The following CCSER1 variants were observed in gnomAD, a reference collection of about 807,000 sequenced individuals.
CCSER1 encodes coiled-coil serine rich protein 1, also known as serine-rich coiled-coil domain-containing protein 1.
In CCSER1, 41 loss-of-function variants were observed where a neutral mutation model predicts 82.0. The observed-to-expected ratio is 0.50, with a 90% CI of 0.39 to 0.65. The LOEUF is 0.65. Ranked by LOEUF, CCSER1 falls within the 30% of genes least tolerant of loss-of-function variation. The pLI, the probability that CCSER1 is intolerant of heterozygous loss-of-function variation, is 0.00. For synonymous variants in CCSER1, 414 were observed against 383.9 expected (o/e 1.08, Z -0.92); for missense variants, 1,119 against 1,064.2 (o/e 1.05, Z -0.72).
intron 5 of CCSER1, among the ~76,000 whole-genome samples, chr4:90,472,491 C>T (rs1379615521): frequency 6.6e-6 from 1 of 152,070 alleles, no homozygotes; most frequent in Non-Finnish European, 1.5e-5. Context: ...TTCAGCATAG[C>T]AGGTGATAGG....
intron 10 of CCSER1, among the ~76,000 whole-genome samples, chr4:91,524,147 G>A (rs1760653603): frequency 1.3e-5 from 2 of 152,142 alleles, no homozygotes; most frequent in Non-Finnish European, 2.9e-5. Flanking sequence ...TTCACCTCAA[G>A]GTCATATGTC....
intron 9 of CCSER1, among the ~76,000 whole-genome samples, chr4:91,082,634 T>A (rs570093767): frequency 6.6e-6 from 1 of 152,182 alleles, no homozygotes; most frequent in African/African-American, 2.4e-5. Flanking sequence ...ACCTACAGAA[T>A]GGGAGAAAAT....
chr4:90,843,106 G>C (rs1047154812), intron 8 of CCSER1, among the ~76,000 whole-genome samples: 1 of 152,044 alleles, frequency 6.6e-6, no homozygotes, highest in African/African-American at 2.4e-5. Flanking sequence ...TTTCACCACG[G>C]ATTATTTGCA....
rs546104149 is a variant in CCSER1 at position 90,768,676 on chromosome 4, T to G, written c.2010+44685T>G. Among the ~76,000 whole-genome samples the G allele has an allele frequency of 9.8e-5, 15 of 152,314 alleles. No individual in the cohort carries two copies. In the East Asian group the frequency reaches 2.5e-3, roughly 25 times the overall value. On this transcript the variant is annotated intron_variant, in intron 7 of 10. Coordinates refer to ENST00000509176, the MANE Select transcript of CCSER1 (RefSeq NM_001145065.2). ...GATTTAAATAAATGGTATTGGAAAC[T>G]GGAGGAAAGATAATCCTTGTTATAT...
chr4:91,349,667 T>C (rs1208606240), intron 10 of CCSER1, among the ~76,000 whole-genome samples: 1 of 151,984 alleles, frequency 6.6e-6, no homozygotes, highest in Non-Finnish European at 1.5e-5. Flanking sequence ...TTCAAAATGG[T>C]TACTTTTTCT....
intron 6 of CCSER1, among the ~76,000 whole-genome samples, chr4:90,682,388 A>G (rs1734049673): frequency 6.6e-6 from 1 of 152,006 alleles, no homozygotes; most frequent in South Asian, 2.1e-4. Flanking sequence ...TACCAGATAT[A>G]GTATATCATG....
chr4:91,466,519 G>T (rs1421807143), intron 10 of CCSER1, among the ~76,000 whole-genome samples: 2 of 152,134 alleles, frequency 1.3e-5, no homozygotes, highest in Non-Finnish European at 2.9e-5. Context: ...TCAGGCAAGA[G>T]AAAGAAATAA....
rs961932670 is a variant in CCSER1 at position 91,598,799 on chromosome 4, A to G, written c.2445A>G (p.Ser815=). The G allele has an allele frequency of 5.2e-6, 8 of 1,551,672 alleles. No individual in the cohort carries two copies. Among genetic ancestry groups the G allele is most frequent in the Non-Finnish European group, 7.0e-6 (8 of 1,146,932 alleles). ...HSRGTYETLT[S]DVTQNLRATV... ...GAGGAACTTATGAAACCCTCACTTC[A>G]GACGTTACACAGAACTTACGGGCCA... is the stretch of plus-strand genomic sequence containing the variant. The change falls in exon 11 of 11, where the codon TCA becomes TCG. Residue 815 remains serine (S), a synonymous_variant. Coordinates refer to ENST00000509176, the MANE Select transcript of CCSER1 (RefSeq NM_001145065.2).
intron 5 of CCSER1, among the ~76,000 whole-genome samples, chr4:90,589,945 A>G (rs1560771070): frequency 6.6e-6 from 1 of 152,176 alleles, no homozygotes; most frequent in African/African-American, 2.4e-5. Context: ...GCCAGATTGT[A>G]TGGTGTCTGT....
At chr4:90,957,204 G>A (rs1733544783) in intron 9 of CCSER1, among the ~76,000 whole-genome samples, 1 of 138,400 alleles carries the variant, frequency 7.2e-6, no homozygotes, top group South Asian at 2.3e-4. Flanking sequence ...CCGGGTTCAA[G>A]CAATTCTCTG....
intron 9 of CCSER1, among the ~76,000 whole-genome samples, chr4:90,986,960 T>C (rs895158485): frequency 6.6e-6 from 1 of 151,574 alleles, no homozygotes; most frequent in Admixed American, 6.6e-5. Context: ...TTTATGGACC[T>C]CGGGTTAGAC....
intron 5 of CCSER1, among the ~76,000 whole-genome samples, chr4:90,509,113 C>T (rs921434037): frequency 1.3e-5 from 2 of 151,926 alleles, no homozygotes; most frequent in African/African-American, 2.4e-5. Flanking sequence ...GGAATTAATA[C>T]GTTTTTGCTA....
At chr4:91,587,093 T>C (rs1360813047) in intron 10 of CCSER1, among the ~76,000 whole-genome samples, 2 of 151,704 alleles carry the variant, frequency 1.3e-5, no homozygotes, top group South Asian at 2.1e-4. Context: ...TCTCTCACAG[T>C]TATTTGTGGG....
At chr4:91,264,484 G>T (rs1365352182) in intron 10 of CCSER1, among the ~76,000 whole-genome samples, 1 of 151,774 alleles carries the variant, frequency 6.6e-6, no homozygotes, top group Non-Finnish European at 1.5e-5. Context: ...TTTTGGAAAA[G>T]AATTATCCAA....
At chr4:91,148,962 T>C (rs1446038384) in intron 10 of CCSER1, among the ~76,000 whole-genome samples, 1 of 152,156 alleles carries the variant, frequency 6.6e-6, no homozygotes, top group African/African-American at 2.4e-5. Flanking sequence ...CATGTGTCTT[T>C]ATAGCAGCAT....
intron 9 of CCSER1, among the ~76,000 whole-genome samples, chr4:91,064,714 G>A (rs1275787795): frequency 6.6e-6 from 1 of 152,158 alleles, no homozygotes; most frequent in African/African-American, 2.4e-5. Flanking sequence ...TATCAGTGTA[G>A]GGAACTTCAA....
At chr4:90,566,764 A>C (rs1434625553) in intron 5 of CCSER1, among the ~76,000 whole-genome samples, 1 of 151,826 alleles carries the variant, frequency 6.6e-6, no homozygotes, top group Non-Finnish European at 1.5e-5. Flanking sequence ...CACCACGCCC[A>C]GCTAATTTTG....
intron 9 of CCSER1, among the ~76,000 whole-genome samples, chr4:91,014,845 A>G (rs1021134624): frequency 2.0e-5 from 3 of 152,340 alleles, no homozygotes; most frequent in East Asian, 1.9e-4. Context: ...TGCCATACAA[A>G]GATGATTAGA....
rs183141240 is a variant in CCSER1 at position 90,258,649 on chromosome 4, T to A, written c.-41-49595T>A. ...TCAAAGATAAACAGTCATAATGATT[T>A]GATTTTCTAGCCATTTTTCAATACA... On this transcript the variant is annotated intron_variant, in intron 1 of 10. Transcript: ENST00000509176. Among the ~76,000 whole-genome samples the A allele has an allele frequency of 5.7e-4, 86 of 151,340 alleles. 1 individual carries two copies. The highest frequency in any genetic ancestry group is 4.9e-4 in the Non-Finnish European group (33 of 68,030).
Sources: allele counts gnomAD v4.1 joint callset (sites outside exome capture counted in the v4.1 genomes callset), GRCh38; gene constraint gnomAD v4.1.1; transcripts MANE v1.5; gene names NCBI Gene and HGNC (gene_info 2026-07-23, HGNC 2026-07-21).